The following NRXN3 variants were observed in gnomAD, a reference collection of about 807,000 sequenced individuals.
The protein encoded by NRXN3 is neurexin III.
In NRXN3, 32 loss-of-function variants were observed where a neutral mutation model predicts 137.6. That is an observed-to-expected ratio of 0.23 (90% confidence interval 0.18 to 0.31). The LOEUF is 0.31. Ranked by LOEUF, NRXN3 falls within the 10% of genes least tolerant of loss-of-function variation. The probability of loss-of-function intolerance (pLI) is 1.00; values close to 1 mark genes in which losing one functional copy is unlikely to be tolerated. For missense variants in NRXN3, 1,574 were observed against 2,062.5 expected, an observed-to-expected ratio of 0.76 and a Z score of 4.59; for synonymous variants, 798 against 784.5, an observed-to-expected ratio of 1.02 and a Z score of -0.29.
chr14:78,685,905 T>C (rs2098121719), intron 6 of NRXN3, among the ~76,000 whole-genome samples: 1 of 151,400 alleles, frequency 6.6e-6, no homozygotes, highest in African/African-American at 2.4e-5. Context: ...CACCTCGGCC[T>C]CCCAAAGTGC....
At chr14:79,278,369 C>T (rs972110728) in intron 15 of NRXN3, among the ~76,000 whole-genome samples, 2 of 152,184 alleles carry the variant, frequency 1.3e-5, no homozygotes, top group African/African-American at 4.8e-5. Context: ...GCCTAGTCCA[C>T]AGTGTTACCG....
At chr14:78,943,331 A>G (rs1310957303) in intron 10 of NRXN3, among the ~76,000 whole-genome samples, 1 of 151,990 alleles carries the variant, frequency 6.6e-6, no homozygotes, top group African/African-American at 2.4e-5. Flanking sequence ...ATTAGTAACC[A>G]GATAGAACAG....
intron 15 of NRXN3, among the ~76,000 whole-genome samples, chr14:79,175,208 C>T (rs1161774162): frequency 6.6e-6 from 1 of 152,092 alleles, no homozygotes; most frequent in Non-Finnish European, 1.5e-5. Flanking sequence ...TCTCGATCTC[C>T]TGACCTCGTG....
At chr14:78,935,497 C>T (rs1167411438) in intron 10 of NRXN3, among the ~76,000 whole-genome samples, 2 of 152,268 alleles carry the variant, frequency 1.3e-5, no homozygotes, top group Admixed American at 6.6e-5. Context: ...CACCCTCTCA[C>T]ATACTGTAAA....
At chr14:79,170,589 G>C (rs1471992181) in intron 15 of NRXN3, among the ~76,000 whole-genome samples, 2 of 152,096 alleles carry the variant, frequency 1.3e-5, no homozygotes, top group Non-Finnish European at 2.9e-5. Flanking sequence ...GTGGGCAAAA[G>C]TACAGGGAAA....
chr14:79,538,480 A>C (rs754060756), intron 16 of NRXN3, among the ~76,000 whole-genome samples: 5 of 152,144 alleles, frequency 3.3e-5, no homozygotes, highest in Non-Finnish European at 5.9e-5. Context: ...ATTTTTGTAT[A>C]AGGTGTAAGG....
chr14:78,340,377 G>A (rs193098647), intron 4 of NRXN3, among the ~76,000 whole-genome samples: 4 of 152,336 alleles, frequency 2.6e-5, no homozygotes, highest in African/African-American at 9.6e-5. Context: ...GACAGGGGAA[G>A]TATATCAGTT....
rs1001963401 is a variant in NRXN3, at chr14:78,178,760, G to A, written c.-704+8086G>A. Among the ~76,000 whole-genome samples the A allele has an allele frequency of 9.9e-5, 15 of 152,216 alleles. No individual in the cohort carries two copies. The South Asian group carries it at 1.7e-3, about 17-fold the overall frequency. On this transcript the variant is annotated intron_variant, in intron 1 of 20. Transcript: ENST00000335750. ...AACTGGTGATCAGAGGGGTTAAATC[G>A]CTTTTTTAGGATTACACAGTGAGAT...
chr14:79,334,630 C>A (rs2153341504), intron 15 of NRXN3, among the ~76,000 whole-genome samples: 1 of 152,226 alleles, frequency 6.6e-6, no homozygotes, highest in African/African-American at 2.4e-5. Flanking sequence ...TTAAAATCAT[C>A]TTGGCGGCTG....
intron 2 of NRXN3, among the ~76,000 whole-genome samples, chr14:78,256,249 G>A (rs940861195): frequency 2.0e-5 from 3 of 152,122 alleles, no homozygotes; most frequent in African/African-American, 4.8e-5. Flanking sequence ...GGAAGATGGA[G>A]CTCACTAGAG....
At chr14:78,750,256 C>T (rs900108606) in intron 8 of NRXN3, among the ~76,000 whole-genome samples, 3 of 152,236 alleles carry the variant, frequency 2.0e-5, no homozygotes, top group African/African-American at 7.2e-5. Flanking sequence ...TTTCTTGACA[C>T]ATTTAGCCTC....
chr14:78,295,857 CTATT>C (rs1165334353), intron 3 of NRXN3, among the ~76,000 whole-genome samples: 2 of 152,116 alleles, frequency 1.3e-5, no homozygotes, highest in African/African-American at 4.8e-5. Flanking sequence ...GTCCTGTTCA[CTATT>C]TAGTAAATTT....
chr14:79,198,677 A>G (rs893725000), intron 15 of NRXN3, among the ~76,000 whole-genome samples: 2 of 152,236 alleles, frequency 1.3e-5, no homozygotes, highest in African/African-American at 2.4e-5. Flanking sequence ...CCATTCAACT[A>G]GGTCAGTGGA....
chr14:78,276,539 A>G (rs1013008557), intron 2 of NRXN3, among the ~76,000 whole-genome samples: 3 of 152,120 alleles, frequency 2.0e-5, no homozygotes, highest in African/African-American at 7.2e-5. Context: ...ATTTAATCTC[A>G]TTTAATTCTC....
At chr14:78,845,436 T>C (rs2099023819) in intron 10 of NRXN3, among the ~76,000 whole-genome samples, 1 of 152,126 alleles carries the variant, frequency 6.6e-6, no homozygotes, top group Non-Finnish European at 1.5e-5. Flanking sequence ...TTACTTTTAG[T>C]ATTCTTAATT....
At chr14:78,284,073 A>G (rs1355697382) in intron 3 of NRXN3, among the ~76,000 whole-genome samples, 1 of 152,218 alleles carries the variant, frequency 6.6e-6, no homozygotes, top group Non-Finnish European at 1.5e-5. Context: ...ATAGTTAGCC[A>G]TATATAAAAT....
chr14:78,173,309 A>G (rs2058921466), intron 1 of NRXN3, among the ~76,000 whole-genome samples: 2 of 151,826 alleles, frequency 1.3e-5, no homozygotes, highest in African/African-American at 4.8e-5. Context: ...GAAAAAAAAG[A>G]GAGAGGGAAG....
chr14:79,005,011 C>A (rs1439954286), intron 15 of NRXN3, among the ~76,000 whole-genome samples: 1 of 152,096 alleles, frequency 6.6e-6, no homozygotes, highest in Non-Finnish European at 1.5e-5. Context: ...TCCTAATAAC[C>A]TGATTTCCTC....
chr14:79,416,134 C>A (rs2095493214), intron 15 of NRXN3, among the ~76,000 whole-genome samples: 1 of 152,008 alleles, frequency 6.6e-6, no homozygotes, highest in South Asian at 2.1e-4. Context: ...CAAAGGCAAT[C>A]CTGATGTACC....
Sources: gnomAD v4.1 joint callset for allele counts (sites outside exome capture counted in the v4.1 genomes callset) on GRCh38, gnomAD v4.1.1 for gene constraint, MANE v1.5 for transcripts, NCBI Gene and HGNC (gene_info 2026-07-23, HGNC 2026-07-21) for gene names.